PLPP3: variants seen among roughly 807,000 people sequenced by gnomAD.
The protein encoded by PLPP3 is PAP2 beta.
PLPP3 carries 6 observed loss-of-function variants against 29.6 expected under a neutral mutation model. That is an observed-to-expected ratio of 0.20 (90% confidence interval 0.11 to 0.40). PLPP3 has a LOEUF of 0.40. Ranked by LOEUF, PLPP3 falls within the 10% of genes least tolerant of loss-of-function variation. PLPP3 has a pLI of 1.00. For missense variants in PLPP3, 308 were observed against 407.7 expected, an observed-to-expected ratio of 0.76 and a Z score of 2.11; for synonymous variants, 152 against 159.7, an observed-to-expected ratio of 0.95 and a Z score of 0.36.
chr1:56,537,781 A>G (rs1336155826), intron 1 of PLPP3, among the ~76,000 whole-genome samples: 2 of 152,172 alleles, frequency 1.3e-5, no homozygotes, highest in Admixed American at 6.5e-5. Flanking sequence ...AGAACTACCA[A>G]TAAGAGTGAG....
chr1:56,578,802 C>G, intron 1 of PLPP3, 76 bp downstream of exon 1: 3 of 1,319,000 alleles, frequency 2.3e-6, no homozygotes, highest in Non-Finnish European at 1.9e-6. Flanking sequence ...CGGCGCTGCG[C>G]GGCCCCGGAC....
chr1:56,501,805 G>A (rs1278534954), intron 5 of PLPP3, among the ~76,000 whole-genome samples: 1 of 152,190 alleles, frequency 6.6e-6, no homozygotes, highest in Non-Finnish European at 1.5e-5. Context: ...GGGGAAAAAA[G>A]AGTGGTTGAG....
intron 1 of PLPP3, among the ~76,000 whole-genome samples, chr1:56,547,283 G>A (rs928952177): frequency 1.3e-5 from 2 of 152,154 alleles, no homozygotes; most frequent in Non-Finnish European, 2.9e-5. Flanking sequence ...CACATAGTGG[G>A]AGTTCAACAA....
chr1:56,567,909 G>A (rs1157213773), intron 1 of PLPP3, among the ~76,000 whole-genome samples: 1 of 152,168 alleles, frequency 6.6e-6, no homozygotes, highest in African/African-American at 2.4e-5. Context: ...ATCAAGTGGT[G>A]AAGGTAAAAA....
intron 1 of PLPP3, among the ~76,000 whole-genome samples, chr1:56,566,349 C>T (rs112772008): frequency 4.6e-5 from 7 of 152,276 alleles, no homozygotes; most frequent in African/African-American, 1.7e-4. Context: ...CTGACCCCAC[C>T]TCTCAAACTC....
intron 1 of PLPP3, among the ~76,000 whole-genome samples, chr1:56,567,116 C>T (rs1411493967): frequency 6.6e-6 from 1 of 152,166 alleles, no homozygotes; most frequent in African/African-American, 2.4e-5. Flanking sequence ...AGAGTCTGTA[C>T]GTCACAGTCA....
chr1:56,552,516 T>C (rs1646046786), intron 1 of PLPP3, among the ~76,000 whole-genome samples: 1 of 152,196 alleles, frequency 6.6e-6, no homozygotes, highest in Admixed American at 6.5e-5. Context: ...TATACAATAT[T>C]TACTGACAAC....
At chr1:56,520,910 CAAAAAAAAAAAAAAAAA>C (rs1169318077) in intron 4 of PLPP3, among the ~76,000 whole-genome samples, 1 of 61,908 alleles carries the variant, frequency 1.6e-5, no homozygotes. Context: ...GACTCCATCT[CAAAAAAAAAAAAAAAAA>C]AAAAAAAAGA....
chr1:56,512,441 A>C, intron 4 of PLPP3: 3 of 259,368 alleles, frequency 1.2e-5, no homozygotes, highest in East Asian at 9.4e-5. Context: ...GTGAAACCTC[A>C]TCTGTAATAA....
At chr1:56,556,466 G>C (rs961890028) in intron 1 of PLPP3, among the ~76,000 whole-genome samples, 1 of 152,120 alleles carries the variant, frequency 6.6e-6, no homozygotes, top group African/African-American at 2.4e-5. Flanking sequence ...AAATCAACAT[G>C]AGTAAAAAGA....
intron 1 of PLPP3, among the ~76,000 whole-genome samples, chr1:56,565,658 T>C (rs955216743): frequency 2.0e-5 from 3 of 152,058 alleles, no homozygotes; most frequent in Non-Finnish European, 4.4e-5. Context: ...TGACCTCAGG[T>C]GATCTGCCCG....
At chr1:56,567,734 G>A (rs1321161120) in intron 1 of PLPP3, among the ~76,000 whole-genome samples, 2 of 151,802 alleles carry the variant, frequency 1.3e-5, no homozygotes, top group Admixed American at 6.6e-5. Context: ...CAGCCTCAAC[G>A]GAAAACAGTT....
chr1:56,521,901 G>A (rs1399763628), intron 4 of PLPP3, among the ~76,000 whole-genome samples: 2 of 152,146 alleles, frequency 1.3e-5, no homozygotes, highest in Non-Finnish European at 2.9e-5. Context: ...GAGGTAATTG[G>A]AGTTGGGGAC....
At chr1:56,526,577 T>G (rs767065130) in intron 2 of PLPP3, among the ~76,000 whole-genome samples, 34 of 152,206 alleles carry the variant, frequency 2.2e-4, no homozygotes, top group Admixed American at 9.2e-4. Flanking sequence ...TCTTCCTTAT[T>G]TATAAGTCAT....
intron 1 of PLPP3, among the ~76,000 whole-genome samples, chr1:56,575,376 A>G (rs941817481): frequency 6.6e-6 from 1 of 152,246 alleles, no homozygotes; most frequent in Non-Finnish European, 1.5e-5. Context: ...TCCCATATAT[A>G]GAACCAGTTC....
At chr1:56,528,729 C>T (rs1390018645) in intron 2 of PLPP3, among the ~76,000 whole-genome samples, 2 of 151,470 alleles carry the variant, frequency 1.3e-5, no homozygotes, top group Non-Finnish European at 2.9e-5. Context: ...CTTCCAAGAG[C>T]TCCTTGGACG....
intron 1 of PLPP3, among the ~76,000 whole-genome samples, chr1:56,565,516 G>A (rs1223473357): frequency 6.6e-6 from 1 of 152,006 alleles, no homozygotes; most frequent in Admixed American, 6.5e-5. Flanking sequence ...TGCCTCCCAG[G>A]CTCAAGCGAT....
intron 1 of PLPP3, among the ~76,000 whole-genome samples, chr1:56,561,663 CA>C (rs900500638): frequency 2.0e-5 from 3 of 151,508 alleles, no homozygotes; most frequent in African/African-American, 7.3e-5. Context: ...CTATTATGTA[CA>C]AGGAGTTCAA....
At chr1:56,526,182 G>A (rs1390428810) in intron 2 of PLPP3, among the ~76,000 whole-genome samples, 1 of 152,188 alleles carries the variant, frequency 6.6e-6, no homozygotes, top group Non-Finnish European at 1.5e-5. Context: ...ACCCTGCATA[G>A]ATGCTCAAAG....
Sources: gnomAD v4.1 joint callset for allele counts (sites outside exome capture counted in the v4.1 genomes callset) on GRCh38, gnomAD v4.1.1 for gene constraint, MANE v1.5 for transcripts, NCBI Gene and HGNC (gene_info 2026-07-23, HGNC 2026-07-21) for gene names.